Variants in SOX5 observed in about 807,000 individuals in gnomAD.
SOX5 encodes SRY-box transcription factor 5, also known as transcription factor SOX-5.
Under a neutral mutation model 92.0 loss-of-function variants are expected in SOX5, and 9 were observed. The ratio of observed to expected loss-of-function variants is 0.10; its 90% CI spans 0.06 to 0.17. SOX5 has a LOEUF of 0.17. Ranked by LOEUF, SOX5 falls within the 10% of genes least tolerant of loss-of-function variation. The probability of loss-of-function intolerance (pLI) is 1.00; values close to 1 mark genes in which losing one functional copy is unlikely to be tolerated. For synonymous variants in SOX5, 344 were observed against 336.3 expected (o/e 1.02, Z -0.25); for missense variants, 642 against 944.5 (o/e 0.68, Z 4.20).
chr12:24,082,893 T>C (rs1943539490), intron 4 of SOX5, among the ~76,000 whole-genome samples: 1 of 151,984 alleles, frequency 6.6e-6, no homozygotes, highest in Non-Finnish European at 1.5e-5. Flanking sequence ...CCTCATCTCA[T>C]TTGCTTTTAT....
upstream of SOX5, among the ~76,000 whole-genome samples, chr12:23,952,549 T>C (rs569756077): frequency 6.6e-6 from 1 of 152,346 alleles, no homozygotes; most frequent in Admixed American, 6.5e-5. Context: ...AAGAGAATGT[T>C]AAATGGTTTG....
At chr12:24,561,733 G>C (rs2291436) in intron 1 of SOX5, among the ~76,000 whole-genome samples, 11 of 150,216 alleles carry the variant, frequency 7.3e-5, no homozygotes, top group African/African-American at 2.7e-4. Flanking sequence ...GGGAGGGAGG[G>C]GGAGTGGTAG....
rs143800166 is a variant in SOX5, at chr12:23,982,799, GTAATAA to G, written c.-1-86781_-1-86776del. 8.8e-3 allele frequency among the ~76,000 whole-genome samples: 1,339 copies of G among 151,838 alleles called. 31 individuals carry two copies. Among genetic ancestry groups the G allele is most frequent in the African/African-American group, 0.031 (1,285 of 41,420 alleles). ...TAATAAATTCAATATATAATTGATAGTAATAATAATATCTTTTAAATTTATATTTTC... is the reference window on the plus strand; with the variant it reads ...TAATAAATTCAATATATAATTGATAGTAATATCTTTTAAATTTATATTTTC... On this transcript the variant is annotated intron_variant, in intron 4 of 4. Coordinates refer to the SOX5 transcript ENST00000446891.
chr12:24,130,588 C>G (rs1448581189), intron 4 of SOX5, among the ~76,000 whole-genome samples: 1 of 152,040 alleles, frequency 6.6e-6, no homozygotes, highest in Non-Finnish European at 1.5e-5. Flanking sequence ...AAAACAAGAG[C>G]CTCCTTCCCT....
At chr12:24,252,770 G>A (rs1001899077) in intron 3 of SOX5, among the ~76,000 whole-genome samples, 1 of 151,806 alleles carries the variant, frequency 6.6e-6, no homozygotes, top group African/African-American at 2.4e-5. Flanking sequence ...AAAGCAAGGT[G>A]CTCCACACGA....
chr12:24,428,080 CTTT>C (rs1373012313), intron 1 of SOX5, among the ~76,000 whole-genome samples: 1 of 151,886 alleles, frequency 6.6e-6, no homozygotes, highest in African/African-American at 2.4e-5. Context: ...CATCTTTCAG[CTTT>C]TTTAAGGTGA....
At chr12:23,853,697 C>T (rs1214016407) in intron 2 of SOX5, among the ~76,000 whole-genome samples, 2 of 151,966 alleles carry the variant, frequency 1.3e-5, no homozygotes, top group Non-Finnish European at 2.9e-5. Flanking sequence ...GCAAAAGTGG[C>T]ATTTAGAAAA....
Position 23,784,637 on chromosome 12 carries a change from T to A in SOX5, c.482-28913A>T, listed in dbSNP as rs559209221. ...CAACATGCCTGGCCGATATATTTTA[T>A]TTACACATCAAATTTACATAAAAAC... On this transcript the variant is annotated intron_variant, in intron 3 of 14. Coordinates refer to ENST00000451604, the MANE Select transcript of SOX5 (RefSeq NM_006940.6). Among the ~76,000 whole-genome samples, 6 of 152,304 alleles carry A rather than the reference T, an allele frequency of 3.9e-5. No homozygotes were observed. The East Asian group carries it at 1.2e-3, about 29-fold the overall frequency.
chr12:23,642,228 C>G (rs1186579027), intron 7 of SOX5, among the ~76,000 whole-genome samples: 2 of 152,094 alleles, frequency 1.3e-5, no homozygotes, highest in Non-Finnish European at 2.9e-5. Context: ...AAGAGAGTCT[C>G]CCAGGTTATT....
chr12:24,399,619 C>T (rs1566071899), intron 1 of SOX5, among the ~76,000 whole-genome samples: 1 of 151,990 alleles, frequency 6.6e-6, no homozygotes, highest in Non-Finnish European at 1.5e-5. Flanking sequence ...ATTTCAGTAG[C>T]TAAAAAAACA....
intron 2 of SOX5, among the ~76,000 whole-genome samples, chr12:24,337,417 T>A (rs1158224710): frequency 6.6e-6 from 1 of 151,830 alleles, no homozygotes; most frequent in African/African-American, 2.4e-5. Context: ...CTTGGTTCAC[T>A]GCAACCTCTG....
At chr12:23,863,838 A>T (rs1344437358) in intron 2 of SOX5, among the ~76,000 whole-genome samples, 1 of 141,508 alleles carries the variant, frequency 7.1e-6, no homozygotes, top group East Asian at 2.4e-4. Context: ...ACACACACAC[A>T]CACTCTGAAA....
intron 1 of SOX5, among the ~76,000 whole-genome samples, chr12:24,528,221 A>T (rs982399184): frequency 6.6e-6 from 1 of 152,174 alleles, no homozygotes; most frequent in East Asian, 1.9e-4. Flanking sequence ...ACTTCTCAAG[A>T]TCTCATTTAT....
At chr12:23,692,455 G>T (rs1268634343) in intron 6 of SOX5, among the ~76,000 whole-genome samples, 1 of 125,610 alleles carries the variant, frequency 8.0e-6, no homozygotes, top group African/African-American at 3.1e-5. Context: ...AAAAAAAAAA[G>T]ATTTATATTT....
chr12:24,125,562 C>T (rs575482979), intron 4 of SOX5, among the ~76,000 whole-genome samples: 6 of 152,132 alleles, frequency 3.9e-5, no homozygotes, highest in African/African-American at 1.4e-4. Context: ...CTCTTGGACA[C>T]GATCTCTGAG....
chr12:23,803,089 T>C (rs1221837425), intron 3 of SOX5, among the ~76,000 whole-genome samples: 1 of 152,232 alleles, frequency 6.6e-6, no homozygotes, highest in Non-Finnish European at 1.5e-5. Flanking sequence ...TCTACAAGAT[T>C]CCATCATGCT....
chr12:23,722,971 G>T (rs79445990), intron 6 of SOX5, among the ~76,000 whole-genome samples: 2,591 of 152,284 alleles, frequency 0.017, 97 homozygotes, highest in African/African-American at 0.059. Flanking sequence ...ATTAGGGGCG[G>T]ATGAAGATAT....
intron 1 of SOX5, among the ~76,000 whole-genome samples, chr12:24,445,503 G>T (rs1396962386): frequency 6.6e-6 from 1 of 152,146 alleles, no homozygotes; most frequent in Non-Finnish European, 1.5e-5. Flanking sequence ...AGATAATAAG[G>T]AGTCCAGAAT....
chr12:23,918,302 T>G (rs1365961842), intron 1 of SOX5, among the ~76,000 whole-genome samples: 1 of 152,318 alleles, frequency 6.6e-6, no homozygotes, highest in Non-Finnish European at 1.5e-5. Flanking sequence ...AGGACATGGT[T>G]CCTAGAGAGT....
Sources: allele counts gnomAD v4.1 joint callset (sites outside exome capture counted in the v4.1 genomes callset), GRCh38; gene constraint gnomAD v4.1.1; transcripts MANE v1.5; gene names NCBI Gene and HGNC (gene_info 2026-07-23, HGNC 2026-07-21).